Variants in PRKN observed in about 807,000 individuals in gnomAD.
The protein encoded by PRKN is E3 ubiquitin-protein ligase parkin.
A neutral mutation model predicts 59.5 loss-of-function variants in PRKN; 56 were observed. The ratio of observed to expected loss-of-function variants is 0.94; its 90% CI spans 0.76 to 1.18. The LOEUF (loss-of-function observed/expected upper bound fraction) is 1.18, where lower values mean the gene tolerates loss of function less well. PRKN is among the 50% of genes most tolerant of loss of function. PRKN has a pLI of 0.00. For missense variants in PRKN, 657 were observed against 596.4 expected, an observed-to-expected ratio of 1.10 and a Z score of -1.06; for synonymous variants, 250 against 222.1, an observed-to-expected ratio of 1.13 and a Z score of -1.12.
At position 161,518,202 on chromosome 6, in the gene PRKN, G is replaced by T. The variant is rs1221709776; in HGVS notation, c.1083+30652C>A. ...GACTCCACACCATGGGGCCGGGGAG[G>T]TGGCAACATAGGTGCATGAGAGGGG... On this transcript the variant is annotated intron_variant, in intron 9 of 11. Transcript: ENST00000366898. The surrounding 1 kb of genome is among the most constrained non-coding windows in gnomAD (Gnocchi z 5.0). Among the ~76,000 whole-genome samples, 4 of 152,206 alleles carry T rather than the reference G, an allele frequency of 2.6e-5. No homozygotes were observed. Among genetic ancestry groups the T allele is most frequent in the East Asian group, 1.9e-4 (1 of 5,190 alleles).
intron 2 of PRKN, among the ~76,000 whole-genome samples, chr6:162,434,009 C>A (rs1195886163): frequency 1.3e-5 from 2 of 152,110 alleles, no homozygotes; most frequent in Admixed American, 6.5e-5. Flanking sequence ...CTGAGTGACA[C>A]CTCTGAATGC....
chr6:162,443,859 T>A (rs10455910), intron 1 of PRKN, among the ~76,000 whole-genome samples: 37,306 of 151,850 alleles, frequency 0.25, 4,622 homozygotes, highest in African/African-American at 0.27. Context: ...GTGACCCTCT[T>A]AATAAAAATA....
intron 2 of PRKN, among the ~76,000 whole-genome samples, chr6:162,328,484 G>A (rs527257811): frequency 1.1e-4 from 16 of 152,272 alleles, no homozygotes; most frequent in South Asian, 4.1e-4. Context: ...ACTGAACAAC[G>A]AATGTGTATT....
chr6:162,073,805 C>T (rs977344897), intron 4 of PRKN, among the ~76,000 whole-genome samples: 6 of 152,146 alleles, frequency 3.9e-5, no homozygotes, highest in African/African-American at 1.4e-4. Flanking sequence ...AATACAAAAA[C>T]GTGTTTGGTA....
intron 1 of PRKN, among the ~76,000 whole-genome samples, chr6:162,523,665 A>G (rs1220751917): frequency 2.0e-5 from 3 of 152,050 alleles, no homozygotes; most frequent in Non-Finnish European, 4.4e-5. Context: ...CTGTCTCAAA[A>G]AGAAAAAAGA....
intron 6 of PRKN, among the ~76,000 whole-genome samples, chr6:161,855,702 C>T (rs952236372): frequency 6.6e-6 from 1 of 152,124 alleles, no homozygotes; most frequent in East Asian, 1.9e-4. Context: ...GACAGATAAT[C>T]CTTATACCTG....
intron 3 of PRKN, among the ~76,000 whole-genome samples, chr6:162,248,461 G>A (rs1222308363): frequency 1.3e-5 from 2 of 152,032 alleles, no homozygotes; most frequent in Non-Finnish European, 2.9e-5. Flanking sequence ...CCTGAGAACT[G>A]TGCTATAAAC....
chr6:162,439,318 T>C (rs7758844), intron 2 of PRKN, among the ~76,000 whole-genome samples: 15,541 of 147,318 alleles, frequency 0.11, 1,090 homozygotes, highest in African/African-American at 0.2. Flanking sequence ...TCCCTTCCCT[T>C]CCCCCTTCCT....
intron 4 of PRKN, among the ~76,000 whole-genome samples, chr6:162,191,721 G>C (rs1360964519): frequency 2.4e-4 from 36 of 152,186 alleles, no homozygotes; most frequent in Admixed American, 2.4e-3. Context: ...GGGATTACAG[G>C]TGTGAGCCAC....
intron 9 of PRKN, among the ~76,000 whole-genome samples, chr6:161,416,356 GCA>G (rs1385310178): frequency 6.6e-6 from 1 of 152,078 alleles, no homozygotes; most frequent in Non-Finnish European, 1.5e-5. Flanking sequence ...CGAGGAGAGC[GCA>G]CACACTGGGG....
intron 7 of PRKN, among the ~76,000 whole-genome samples, chr6:161,742,414 T>C (rs1376526492): frequency 6.6e-6 from 1 of 152,212 alleles, no homozygotes; most frequent in Non-Finnish European, 1.5e-5. Context: ...CTCTTTCCTT[T>C]ATAAATAAGG....
chr6:161,854,084 T>TTAAA (rs905091594), intron 6 of PRKN, among the ~76,000 whole-genome samples: 1 of 103,708 alleles, frequency 9.6e-6, no homozygotes. Flanking sequence ...TGTTTCTACA[T>TTAAA]AAAAAAAAAA....
At chr6:161,427,194 A>G (rs998590055) in intron 9 of PRKN, among the ~76,000 whole-genome samples, 1 of 152,088 alleles carries the variant, frequency 6.6e-6, no homozygotes, top group African/African-American at 2.4e-5. Context: ...AATTGTTTGT[A>G]TTTTTAGACG....
intron 1 of PRKN, chr6:162,568,805 T>C (rs1288757877): frequency 2.7e-6 from 2 of 733,586 alleles, no homozygotes; most frequent in African/African-American, 1.7e-5. Context: ...AGGCAGAGCT[T>C]GGCAACATGC....
At chr6:162,343,006 A>T (rs888462627) in intron 2 of PRKN, among the ~76,000 whole-genome samples, 4 of 152,176 alleles carry the variant, frequency 2.6e-5, no homozygotes, top group African/African-American at 9.7e-5. Context: ...CCAAGGATTG[A>T]TGTAAATAAC....
chr6:161,877,945 G>A (rs1426944569), intron 6 of PRKN, among the ~76,000 whole-genome samples: 1 of 152,012 alleles, frequency 6.6e-6, no homozygotes, highest in African/African-American at 2.4e-5. Context: ...TGAGGGAGTG[G>A]GTGGGCTCAT....
At chr6:162,051,037 G>A (rs890366956) in intron 5 of PRKN, among the ~76,000 whole-genome samples, 7 of 152,084 alleles carry the variant, frequency 4.6e-5, no homozygotes, top group African/African-American at 1.2e-4. Context: ...AACCACACAC[G>A]TCCTACAAGT....
rs1554312764 is a variant in PRKN at position 162,390,396 on chromosome 6, TACAC to T, written c.171+52910_171+52913del. ...TAAGGTATATATATATATATATATA[TACAC>T]ACACACACACACACACACACACACA... On this transcript the variant is annotated intron_variant, in intron 2 of 11. Transcript: ENST00000366898. 1.9e-3 allele frequency among the ~76,000 whole-genome samples: 156 copies of T among 84,110 alleles called. 1 individual carries two copies. Among genetic ancestry groups the T allele is most frequent in the East Asian group, 0.015 (48 of 3,110 alleles). 55.2% of individuals were successfully genotyped at this position (84,110 alleles called of 152,430 possible).
Position 161,730,527 on chromosome 6 carries a change from CATTCTTTCTGATGTGTTGCATTCTGATAT to C in PRKN, c.871+55216_871+55244del, listed in dbSNP as rs1371726306. Among the ~76,000 whole-genome samples the C allele has an allele frequency of 2.0e-4, 30 of 148,598 alleles. 2 individuals are homozygous for C. Among genetic ancestry groups the C allele is most frequent in the African/African-American group, 7.4e-4 (29 of 39,362 alleles). On this transcript the variant is annotated intron_variant, in intron 7 of 11. Transcript: ENST00000366898. ...TGATGTGTTGCATTCTGAAGTGTTG[CATTCTTTCTGATGTGTTGCATTCTGATAT>C]GTTGCATTCTTTCTGATGTGTTGCA...
Sources: allele counts gnomAD v4.1 joint callset (sites outside exome capture counted in the v4.1 genomes callset), GRCh38; gene constraint gnomAD v4.1.1; non-coding constraint Gnocchi (gnomAD v3.1); transcripts MANE v1.5; gene names NCBI Gene and HGNC (gene_info 2026-07-23, HGNC 2026-07-21).